Variants in BAAT observed in about 807,000 individuals in gnomAD.
BAAT encodes the protein bile acid CoA: amino acid N-acyltransferase (glycine N-choloyltransferase).
A neutral mutation model predicts 18.9 loss-of-function variants in BAAT; 13 were observed. That is an observed-to-expected ratio of 0.69 (90% CI 0.45 to 1.10). The LOEUF (loss-of-function observed/expected upper bound fraction) is 1.10, where lower values mean the gene tolerates loss of function less well. BAAT is among the 50% of genes least tolerant of loss of function. BAAT has a pLI of 0.00. For missense variants in BAAT, 489 were observed against 504.0 expected (o/e 0.97, Z 0.28); for synonymous variants, 170 against 190.7 (o/e 0.89, Z 0.89).
intron 1 of BAAT, chr9:101,376,137 T>C: frequency 6.3e-6 from 1 of 157,556 alleles, no homozygotes. Context: ...TTTTTTTTTC[T>C]GTTTAGCTGG....
Position 101,371,326 on chromosome 9 carries a change from A to G in BAAT, c.79T>C (p.Phe27Leu). Residue 27 changes from phenylalanine to leucine, a missense_variant, in exon 2 of 4, where the codon TTT (phenylalanine) becomes CTT (leucine). Transcript: ENST00000259407. The part of the protein sequence containing the change: ...VHIRATGLIP[F>L]QMVSFQASLE... ...GATGCCTGAAAACTCACCATCTGAA[A>G]GGGAATCAGGCCTGTAGCTCGGATA... The G allele has an allele frequency of 1.2e-6, 2 of 1,613,992 alleles. No individual in the cohort carries two copies. Among genetic ancestry groups the G allele is most frequent in the Non-Finnish European group, 1.7e-6 (2 of 1,179,970 alleles).
chr9:101,363,069 CCA>C, intron 3 of BAAT, 54 bp from the exon 4 acceptor site: 1 of 1,530,646 alleles, frequency 6.5e-7, no homozygotes, highest in Non-Finnish European at 8.9e-7. Flanking sequence ...TAGGAAAACT[CCA>C]CAATCTCAAA....
chr9:101,362,308 T>A lies in BAAT; in HGVS notation c.*120A>T. 2 of 1,089,246 alleles carry A rather than the reference T, an allele frequency of 1.8e-6. No individual in the cohort carries two copies. Among genetic ancestry groups the A allele is most frequent in the Non-Finnish European group, 2.7e-6 (2 of 746,214 alleles). The allele number at this position is 1,089,246 out of a possible 1,614,324, so 67.5% of individuals were successfully genotyped here. On this transcript the variant is annotated 3_prime_UTR_variant, in exon 4 of 4. Coordinates refer to ENST00000259407, the MANE Select transcript of BAAT (RefSeq NM_001701.4). ...GGTTTTTACCCTATGCTCTTTTTAA[T>A]CATTAAAATTAATACAAAATGTGTG...
intron 3 of BAAT, among the ~76,000 whole-genome samples, chr9:101,363,654 A>C (rs1009600068): frequency 6.6e-6 from 1 of 152,062 alleles, no homozygotes; most frequent in African/African-American, 2.4e-5. Flanking sequence ...GAAAAAAAAA[A>C]ACACACCAGA....
Position 101,362,817 on chromosome 9 carries a change from A to G in BAAT, c.868T>C (p.Leu290=). ...HSAQLISTNA[L]GLLELYRTFE... is the part of the protein sequence containing the mutation. ...GTGCGATAGAGCTCTAGTAACCCCAAGGCATTGGTGGATATTAATTGTGCA... is the reference window on the plus strand; with the variant it reads ...GTGCGATAGAGCTCTAGTAACCCCAGGGCATTGGTGGATATTAATTGTGCA... Residue 290 remains leucine, a synonymous_variant, in exon 4 of 4, where the codon TTG becomes CTG. Coordinates refer to ENST00000259407, the MANE Select transcript of BAAT (RefSeq NM_001701.4). The G allele has an allele frequency of 1.2e-6, 2 of 1,614,170 alleles. No homozygotes were observed. Among genetic ancestry groups the G allele is most frequent in the African/African-American group, 1.3e-5 (1 of 75,054 alleles).
chr9:101,372,950 A>G (rs1829980069), intron 1 of BAAT, among the ~76,000 whole-genome samples: 2 of 152,166 alleles, frequency 1.3e-5, no homozygotes, highest in African/African-American at 2.4e-5. Context: ...GAGCTTCACC[A>G]TGTGCTCAGA....
chr9:101,382,622 T>C (rs1830150065), intron 1 of BAAT, among the ~76,000 whole-genome samples: 1 of 152,174 alleles, frequency 6.6e-6, no homozygotes, highest in Admixed American at 6.5e-5. Context: ...AAACTTCTGC[T>C]CCTGCTCTGA....
chr9:101,365,143 C>G (rs1165283087), intron 3 of BAAT, among the ~76,000 whole-genome samples: 1 of 152,150 alleles, frequency 6.6e-6, no homozygotes, highest in African/African-American at 2.4e-5. Context: ...TGTTGTGTCA[C>G]AAAATAAAGC....
chr9:101,370,781 C>G (rs1348131054), intron 2 of BAAT, among the ~76,000 whole-genome samples, 158 bp downstream of exon 2: 6 of 152,050 alleles, frequency 3.9e-5, no homozygotes, highest in Admixed American at 2.0e-4. Context: ...TATCCATATT[C>G]AAGTTAAATT....
intron 1 of BAAT, among the ~76,000 whole-genome samples, chr9:101,375,789 A>T (rs1830032057): frequency 6.6e-6 from 1 of 152,240 alleles, no homozygotes; most frequent in South Asian, 2.1e-4. Flanking sequence ...ATGGCGAGGC[A>T]GGGAGCGCAC....
intron 3 of BAAT, among the ~76,000 whole-genome samples, chr9:101,366,655 G>C (rs1410827816): frequency 6.6e-6 from 1 of 152,152 alleles, no homozygotes; most frequent in African/African-American, 2.4e-5. Context: ...AAGCCAAGAA[G>C]AAGGCTCACA....
intron 1 of BAAT, among the ~76,000 whole-genome samples, chr9:101,373,930 T>G (rs1168620313): frequency 6.6e-6 from 1 of 152,232 alleles, no homozygotes; most frequent in African/African-American, 2.4e-5. Flanking sequence ...TTTGCTTCTG[T>G]TATTTGTGAC....
rs746860454 is a variant in BAAT at position 101,362,739 on chromosome 9, C to A, written c.946G>T (p.Ala316Ser). 2 of 1,614,120 alleles carry A rather than the reference C, an allele frequency of 1.2e-6. No individual in the cohort carries two copies. The highest frequency in any genetic ancestry group is 8.5e-7 in the Non-Finnish European group (1 of 1,180,036). Residue 316 changes from alanine to serine, a missense_variant, in exon 4 of 4, where the codon GCC becomes TCC. By Grantham distance (99) the Ala-to-Ser change is moderately conservative (BLOSUM62 1). Transcript: ENST00000259407. ...ASQYLFPIEE[A>S]QGQFLFIVGE... The stretch of plus-strand genomic sequence containing the variant: ...ACAATGAAGAGGAATTGCCCCTGGG[C>A]CTCTTCAATAGGAAACAAATATTGA...
chr9:101,369,471 C>T (rs974253767), intron 2 of BAAT, among the ~76,000 whole-genome samples: 1 of 152,164 alleles, frequency 6.6e-6, no homozygotes, highest in African/African-American at 2.4e-5. Context: ...TCCTTATAAC[C>T]TCACACAACT....
At chr9:101,375,181 C>T (rs1359537420) in intron 1 of BAAT, among the ~76,000 whole-genome samples, 1 of 152,190 alleles carries the variant, frequency 6.6e-6, no homozygotes, top group East Asian at 1.9e-4. Flanking sequence ...CCTGCACAAG[C>T]TCTTTTGCCT....
chr9:101,368,084 C>T (rs1306837504), intron 3 of BAAT, 36 bp downstream of exon 3: 7 of 1,586,194 alleles, frequency 4.4e-6, no homozygotes, highest in South Asian at 1.1e-5. Flanking sequence ...CAAAAAAACC[C>T]CAGGGACTCA....
chr9:101,374,180 A>T (rs1023576362), intron 1 of BAAT, among the ~76,000 whole-genome samples: 2 of 152,196 alleles, frequency 1.3e-5, no homozygotes, highest in African/African-American at 4.8e-5. Flanking sequence ...TCCAAACAGT[A>T]CACATGACCT....
In BAAT at chr9:101,368,469, G is replaced by A; in HGVS notation, c.467-147C>T. On this transcript the variant is annotated intron_variant, in intron 2 of 3. Coordinates refer to ENST00000259407, the MANE Select transcript of BAAT (RefSeq NM_001701.4). ...GATAATAAAAACATGAGAACACAAA[G>A]CAGAAATGCAAAATTACATTCAAAT... 5.5e-6 allele frequency: 4 copies of A among 727,206 alleles called. No individual in the cohort carries two copies. The East Asian group carries it at 1.1e-4, about 21-fold the overall frequency. The allele number at this position is 727,206 out of a possible 1,614,324, so 45.0% of individuals were successfully genotyped here.
Position 101,370,946 on chromosome 9 carries a change from G to C in BAAT, c.459C>G (p.Leu153=). Residue 153 remains leucine (L), a synonymous_variant, in exon 2 of 4, where the codon CTC becomes CTG. Transcript: ENST00000259407. ...REGRLRGALF[L]PPGEGLFPGV... ...CAGAGTAATTCTACTCACCTGGAGGGAGAAAGAGAGCTCCTCGAAGGCGGC... is the reference window on the plus strand; with the variant it reads ...CAGAGTAATTCTACTCACCTGGAGGCAGAAAGAGAGCTCCTCGAAGGCGGC... The C allele has an allele frequency of 6.2e-7, 1 of 1,614,022 alleles. No homozygotes were observed. Among genetic ancestry groups the C allele is most frequent in the African/African-American group, 1.3e-5 (1 of 75,028 alleles).
Sources: gnomAD v4.1 joint callset for allele counts (sites outside exome capture counted in the v4.1 genomes callset) on GRCh38, gnomAD v4.1.1 for gene constraint, MANE v1.5 for transcripts, NCBI Gene and HGNC (gene_info 2026-07-23, HGNC 2026-07-21) for gene names.